NOL4: variants seen among roughly 807,000 people sequenced by gnomAD.
NOL4 encodes cancer/testis antigen 125.
In NOL4, 17 loss-of-function variants were observed where a neutral mutation model predicts 75.9. The observed-to-expected ratio is 0.22, with a 90% CI of 0.15 to 0.34. The LOEUF (loss-of-function observed/expected upper bound fraction) is 0.34. Ranked by LOEUF, NOL4 falls within the 10% of genes least tolerant of loss-of-function variation. NOL4 has a pLI of 1.00. For missense variants in NOL4, 614 were observed against 793.5 expected, an observed-to-expected ratio of 0.77 and a Z score of 2.72; for synonymous variants, 292 against 289.9, an observed-to-expected ratio of 1.01 and a Z score of -0.07.
chr18:34,137,858 A>G (rs959570517), intron 1 of NOL4, among the ~76,000 whole-genome samples: 21 of 152,050 alleles, frequency 1.4e-4, no homozygotes, highest in African/African-American at 5.1e-4. Flanking sequence ...CCCAAAATAT[A>G]TTATACATGA....
chr18:34,154,452 G>T (rs184921142), intron 1 of NOL4, among the ~76,000 whole-genome samples: 247 of 151,944 alleles, frequency 1.6e-3, no homozygotes, highest in Middle Eastern at 3.4e-3. Flanking sequence ...ACATAGACTC[G>T]TGTTGCCTAT....
At chr18:33,977,077 T>C (rs536968340) in intron 6 of NOL4, among the ~76,000 whole-genome samples, 3 of 152,240 alleles carry the variant, frequency 2.0e-5, no homozygotes, top group East Asian at 1.9e-4. Context: ...TAATAATATA[T>C]ACAGTAATGA....
intron 6 of NOL4, among the ~76,000 whole-genome samples, chr18:34,016,533 A>G (rs756746711): frequency 6.6e-6 from 1 of 151,990 alleles, no homozygotes; most frequent in Non-Finnish European, 1.5e-5. Context: ...GCTCCTTGCA[A>G]ATACCCATGC....
At chr18:33,997,795 T>C (rs2073403303) in intron 6 of NOL4, among the ~76,000 whole-genome samples, 1 of 151,036 alleles carries the variant, frequency 6.6e-6, no homozygotes, top group African/African-American at 2.4e-5. Flanking sequence ...TATATTCACA[T>C]AAAAATTTGC....
At chr18:33,957,583 T>TATCG in intron 7 of NOL4, 66 bp from the exon 8 acceptor site, 1 of 1,248,976 alleles carries the variant, frequency 8.0e-7, no homozygotes, top group Non-Finnish European at 1.1e-6. Context: ...CCTAGCTTCC[T>TATCG]GTCTTGATTA....
intron 6 of NOL4, among the ~76,000 whole-genome samples, chr18:34,000,837 A>AT (rs919604338): frequency 6.6e-6 from 1 of 152,108 alleles, no homozygotes; most frequent in South Asian, 2.1e-4. Flanking sequence ...GCTAATTTCT[A>AT]TTTTTTCTAC....
chr18:33,874,233 A>C (rs183556007), intron 10 of NOL4, among the ~76,000 whole-genome samples: 6 of 152,034 alleles, frequency 3.9e-5, no homozygotes, highest in Non-Finnish European at 4.4e-5. Context: ...GAATCCAAGC[A>C]TGAAGGGGCA....
chr18:34,014,988 A>G (rs1443456639), intron 6 of NOL4, among the ~76,000 whole-genome samples: 2 of 152,024 alleles, frequency 1.3e-5, no homozygotes, highest in Non-Finnish European at 2.9e-5. Flanking sequence ...TAAGCTTTTC[A>G]CATATTCTAT....
chr18:34,176,466 C>T (rs1229203917), intron 1 of NOL4, among the ~76,000 whole-genome samples: 3 of 152,002 alleles, frequency 2.0e-5, no homozygotes, highest in Non-Finnish European at 4.4e-5. Context: ...CTGAACTCCC[C>T]ATAGGTCAAA....
chr18:33,884,655 G>T (rs1296777713), intron 9 of NOL4, among the ~76,000 whole-genome samples: 3 of 151,084 alleles, frequency 2.0e-5, no homozygotes, highest in East Asian at 2.0e-4. Flanking sequence ...ATTATAAAGA[G>T]ATTTCTAGGG....
chr18:34,061,034 T>C, intron 5 of NOL4, among the ~76,000 whole-genome samples: 1 of 152,118 alleles, frequency 6.6e-6, no homozygotes, highest in Non-Finnish European at 1.5e-5. Context: ...CAAAATTACT[T>C]AGAGAAATGT....
chr18:33,930,350 A>G (rs1432040767), intron 9 of NOL4, among the ~76,000 whole-genome samples: 1 of 152,146 alleles, frequency 6.6e-6, no homozygotes, highest in Non-Finnish European at 1.5e-5. Context: ...TAATAAAGGT[A>G]AGATGGTAAG....
At chr18:34,079,624 T>C (rs978940887) in intron 5 of NOL4, among the ~76,000 whole-genome samples, 12 of 152,122 alleles carry the variant, frequency 7.9e-5, no homozygotes, top group Admixed American at 7.2e-4. Context: ...ATATCCAGTA[T>C]GCTTTTCCCA....
At chr18:33,995,376 C>A (rs190363675) in intron 6 of NOL4, among the ~76,000 whole-genome samples, 1 of 151,622 alleles carries the variant, frequency 6.6e-6, no homozygotes, top group African/African-American at 2.4e-5. Flanking sequence ...ATTAGCAAAC[C>A]AAGTCCAGAA....
chr18:33,887,078 C>A lies in NOL4; in HGVS notation c.1543-3654G>T, dbSNP rs1201664184. Among the ~76,000 whole-genome samples, 22 of 132,218 alleles carry A rather than the reference C, an allele frequency of 1.7e-4. No individual in the cohort carries two copies. The East Asian group carries it at 4.8e-3, about 29-fold the overall frequency. 86.7% of individuals were successfully genotyped at this position (132,218 alleles called of 152,430 possible). On this transcript the variant is annotated intron_variant, in intron 9 of 10. Coordinates refer to ENST00000261592, the MANE Select transcript of NOL4 (RefSeq NM_003787.5). ...ATATATCTATATATAATATATATAT[C>A]TATATATATTAGATATAGATATATA...
chr18:34,138,342 C>A (rs1241254993), intron 1 of NOL4, among the ~76,000 whole-genome samples: 1 of 152,058 alleles, frequency 6.6e-6, no homozygotes, highest in African/African-American at 2.4e-5. Context: ...GTTGAAGCTG[C>A]AGTGAGTCGT....
In NOL4 at chr18:33,887,804, T is replaced by C. The variant is rs2064850417; in HGVS notation, c.1543-4380A>G. On this transcript the variant is annotated intron_variant, in intron 9 of 10. Coordinates refer to ENST00000261592, the MANE Select transcript of NOL4 (RefSeq NM_003787.5). ...ATGGTGTATATGTGCCACATTTTCT[T>C]AATCCAGTCTATCATTGATGGACAT... is the stretch of plus-strand genomic sequence containing the variant. Among the ~76,000 whole-genome samples, 2 of 152,200 alleles carry C rather than the reference T, an allele frequency of 1.3e-5. 1 individual carries two copies. The highest frequency in any genetic ancestry group is 4.1e-4 in the South Asian group (2 of 4,832).
At chr18:34,180,289 C>A (rs1192533196) in intron 1 of NOL4, among the ~76,000 whole-genome samples, 2 of 151,484 alleles carry the variant, frequency 1.3e-5, no homozygotes, top group Non-Finnish European at 3.0e-5. Context: ...CATATGCTAT[C>A]ACCATATGGA....
intron 1 of NOL4, among the ~76,000 whole-genome samples, chr18:34,180,243 AT>A (rs2033921084): frequency 6.6e-6 from 1 of 151,578 alleles, no homozygotes; most frequent in Non-Finnish European, 1.5e-5. Flanking sequence ...TCTTCAAAAA[AT>A]ATTAGCATAC....
Sources: allele counts gnomAD v4.1 joint callset (sites outside exome capture counted in the v4.1 genomes callset), GRCh38; gene constraint gnomAD v4.1.1; transcripts MANE v1.5; gene names NCBI Gene and HGNC (gene_info 2026-07-23, HGNC 2026-07-21).